Variants in ITGB8 observed in about 807,000 individuals in gnomAD.
ITGB8 encodes integrin subunit beta 8.
In ITGB8, 30 loss-of-function variants were observed where a neutral mutation model predicts 89.5. That is an observed-to-expected ratio of 0.34 (90% CI 0.25 to 0.45). ITGB8 has a LOEUF of 0.45. Ranked by LOEUF, ITGB8 falls within the 20% of genes least tolerant of loss-of-function variation. The probability of loss-of-function intolerance (pLI) is 1.00; values close to 1 mark genes in which losing one functional copy is unlikely to be tolerated. For synonymous variants in ITGB8, 335 were observed against 320.4 expected (o/e 1.05, Z -0.49); for missense variants, 836 against 933.3 (o/e 0.90, Z 1.36).
chr7:20,370,681 G>C (rs543116115), intron 3 of ITGB8, among the ~76,000 whole-genome samples: 11 of 151,746 alleles, frequency 7.2e-5, no homozygotes, highest in Non-Finnish European at 1.2e-4. Context: ...TGCGATCTCA[G>C]CTCGCTGCAA....
At chr7:20,349,201 AG>A in intron 1 of ITGB8, among the ~76,000 whole-genome samples, 1 of 152,272 alleles carries the variant, frequency 6.6e-6, no homozygotes, top group East Asian at 1.9e-4. Flanking sequence ...AGTGAATTTT[AG>A]AAAAGACAAA....
intron 6 of ITGB8, among the ~76,000 whole-genome samples, chr7:20,387,531 T>A (rs1786675880): frequency 6.6e-6 from 1 of 152,130 alleles, no homozygotes. Flanking sequence ...AGATGATCTG[T>A]TTTCAGAGCC....
intron 7 of ITGB8, among the ~76,000 whole-genome samples, chr7:20,394,607 G>A (rs1786994668): frequency 6.6e-6 from 1 of 152,204 alleles, no homozygotes; most frequent in Non-Finnish European, 1.5e-5. Flanking sequence ...TTCCATGGAA[G>A]AAATTTGGGA....
intron 3 of ITGB8, among the ~76,000 whole-genome samples, chr7:20,367,877 A>C (rs1020625638): frequency 6.6e-6 from 1 of 152,180 alleles, no homozygotes; most frequent in African/African-American, 2.4e-5. Flanking sequence ...ACTTTCCTTC[A>C]GTGCTACAGA....
intron 1 of ITGB8, among the ~76,000 whole-genome samples, chr7:20,353,966 A>T (rs922079358): frequency 6.7e-6 from 1 of 148,718 alleles, no homozygotes; most frequent in African/African-American, 2.5e-5. Flanking sequence ...AGAAAACGGT[A>T]ATCTGTGTTT....
chr7:20,390,428 A>G (rs934714882), intron 6 of ITGB8, among the ~76,000 whole-genome samples: 9 of 152,092 alleles, frequency 5.9e-5, no homozygotes, highest in African/African-American at 2.2e-4. Flanking sequence ...TAACTATATA[A>G]CTCTAGATAG....
chr7:20,365,076 C>T (rs1785642469), intron 2 of ITGB8: 1 of 152,234 alleles, frequency 6.6e-6, no homozygotes, highest in Non-Finnish European at 1.5e-5. Flanking sequence ...TTCAGAGGGA[C>T]CCCTTCTCCC....
intron 6 of ITGB8, among the ~76,000 whole-genome samples, chr7:20,384,229 T>G (rs1786514178): frequency 6.6e-6 from 1 of 152,220 alleles, no homozygotes; most frequent in Non-Finnish European, 1.5e-5. Context: ...TCAAACACTT[T>G]GCTTCTTGGC....
intron 2 of ITGB8, chr7:20,364,562 G>T (rs1785622082): frequency 6.6e-6 from 1 of 151,986 alleles, no homozygotes; most frequent in South Asian, 2.1e-4. Context: ...GAAACAGTAG[G>T]CATGTCTGAA....
rs531381590 is a variant in ITGB8, at chr7:20,376,767, G to C, written c.389-2284G>C. Among the ~76,000 whole-genome samples, 4 of 152,284 alleles carry C rather than the reference G, an allele frequency of 2.6e-5. No homozygotes were observed. In the East Asian group the frequency reaches 7.7e-4, roughly 29 times the overall value. On this transcript the variant is annotated intron_variant, in intron 3 of 13. Coordinates refer to ENST00000222573, the MANE Select transcript of ITGB8 (RefSeq NM_002214.3). ...CCCTCACAGCAAGCTCAAGGGTCTT[G>C]CAGTGTAAAAATATCAATTATTATT...
chr7:20,360,087 T>A (rs939925616), intron 1 of ITGB8, among the ~76,000 whole-genome samples: 1 of 152,194 alleles, frequency 6.6e-6, no homozygotes, highest in Non-Finnish European at 1.5e-5. Context: ...TTTCTCTCTC[T>A]CTGGGTCATC....
chr7:20,359,754 C>T (rs530744392), intron 1 of ITGB8, among the ~76,000 whole-genome samples: 38 of 152,182 alleles, frequency 2.5e-4, no homozygotes, highest in Non-Finnish European at 4.4e-5. Context: ...TTTGAACATT[C>T]AGTGAAAAGA....
rs529318714 is a variant in ITGB8 at position 20,336,091 on chromosome 7, C to T, written c.127+4158C>T. Among the ~76,000 whole-genome samples, 87 of 134,688 alleles carry T rather than the reference C, an allele frequency of 6.5e-4. 1 individual carries two copies. The highest frequency in any genetic ancestry group is 2.2e-3 in the African/African-American group (77 of 35,266). 88.4% of individuals were successfully genotyped at this position (134,688 alleles called of 152,430 possible). ...TGCGATCTCGGCCCACTGCAAGCTT[C>T]GCCTCCTGGGTTCACACCATTCTCC... On this transcript the variant is annotated intron_variant, in intron 1 of 13. Transcript: ENST00000222573.
chr7:20,404,049 G>T (rs1057123601), intron 10 of ITGB8, among the ~76,000 whole-genome samples: 2 of 152,248 alleles, frequency 1.3e-5, no homozygotes, highest in Non-Finnish European at 2.9e-5. Flanking sequence ...GTATAGAGGA[G>T]GATCTGCTCT....
intron 4 of ITGB8, chr7:20,379,688 A>G (rs542072946): frequency 6.5e-6 from 1 of 152,832 alleles, no homozygotes; most frequent in East Asian, 1.9e-4. Flanking sequence ...GACACATTTT[A>G]AAGAGTTTGT....
At chr7:20,339,741 T>C (rs895155344) in intron 1 of ITGB8, among the ~76,000 whole-genome samples, 12 of 152,180 alleles carry the variant, frequency 7.9e-5, no homozygotes, top group African/African-American at 2.4e-4. Context: ...TAAAAGTTCA[T>C]TTTAGGCCAG....
At position 20,409,951 on chromosome 7, in the gene ITGB8, A is replaced by G. The variant is rs536721260; in HGVS notation, c.2264A>G (p.Asp755Gly). 11 of 1,613,484 alleles carry G rather than the reference A, an allele frequency of 6.8e-6. No homozygotes were observed. In the African/African-American group the frequency reaches 1.2e-4, roughly 18 times the overall value. ...RREKPEEIKM[D>G]ISKLNAHETF... ...GAGAAGCCTGAAGAAATAAAAATGGATATCAGCAAATTAAATGCTCATGAA... is the reference window on the plus strand; with the variant it reads ...GAGAAGCCTGAAGAAATAAAAATGGGTATCAGCAAATTAAATGCTCATGAA... The change falls in exon 14 of 14, where the codon GAT becomes GGT. Residue 755 changes from aspartate (D) to glycine (G), a missense_variant. Around this residue, in one of 5 missense-constraint regions of ITGB8, gnomAD observed 422 missense variants for 416.9 expected, o/e 1.01. Transcript: ENST00000222573.
chr7:20,355,750 A>G (rs1394917746), intron 1 of ITGB8, among the ~76,000 whole-genome samples: 1 of 152,228 alleles, frequency 6.6e-6, no homozygotes, highest in Non-Finnish European at 1.5e-5. Flanking sequence ...AAGGAGAGGA[A>G]TGTGCCAGCC....
intron 7 of ITGB8, among the ~76,000 whole-genome samples, chr7:20,394,153 C>T (rs1786976611): frequency 6.6e-6 from 1 of 152,190 alleles, no homozygotes; most frequent in Non-Finnish European, 1.5e-5. Context: ...CCAGCAGGAA[C>T]TTAAGGATAT....
Sources: gnomAD v4.1 joint callset for allele counts (sites outside exome capture counted in the v4.1 genomes callset) on GRCh38, gnomAD v4.1.1 for gene constraint, gnomAD v4.1.1 regional missense constraint, MANE v1.5 for transcripts, NCBI Gene and HGNC (gene_info 2026-07-23, HGNC 2026-07-21) for gene names.